The following ARIH1 variants were observed in gnomAD, a reference collection of about 807,000 sequenced individuals.
ARIH1 encodes E3 ubiquitin-protein ligase ARIH1.
A neutral mutation model predicts 85.0 loss-of-function variants in ARIH1; 8 were observed. That is an observed-to-expected ratio of 0.09 (90% CI 0.06 to 0.17). ARIH1 has a LOEUF of 0.17. ARIH1 is among the 10% of genes least tolerant of loss of function. ARIH1 has a pLI of 1.00. For missense variants in ARIH1, 311 were observed against 718.1 expected, an observed-to-expected ratio of 0.43 and a Z score of 6.48; for synonymous variants, 238 against 253.6, an observed-to-expected ratio of 0.94 and a Z score of 0.59.
chr15:72,481,634 T>G lies in ARIH1; in HGVS notation c.375+6620T>G, dbSNP rs1219115022. Among the ~76,000 whole-genome samples the G allele has an allele frequency of 2.0e-5, 3 of 151,956 alleles. No homozygotes were observed. The South Asian group carries it at 6.2e-4, about 32-fold the overall frequency. ...CTGGGAATTGGAGGTTGCAGTGAGC[T>G]GAGATAGTGTCACTGCACTCTAGCC... On this transcript the variant is annotated intron_variant, in intron 1 of 13. Coordinates refer to ENST00000379887, the MANE Select transcript of ARIH1 (RefSeq NM_005744.5).
intron 5 of ARIH1, among the ~76,000 whole-genome samples, chr15:72,557,814 G>A (rs1344860553): frequency 6.6e-6 from 1 of 152,048 alleles, no homozygotes; most frequent in Non-Finnish European, 1.5e-5. Flanking sequence ...GGCTATTATC[G>A]ATAGGATTGC....
In ARIH1 at chr15:72,598,001, C is replaced by T. The variant is rs2064369433; in HGVS notation, c.*14709C>T. The T allele has an allele frequency of 6.6e-6, 1 of 152,248 alleles. No homozygotes were observed. Among genetic ancestry groups the T allele is most frequent in the Non-Finnish European group, 1.5e-5 (1 of 68,122 alleles). The allele number at this position is 152,248 out of a possible 1,614,324, so 9.4% of individuals were successfully genotyped here. ...AGACAGGGTCTCACTCTTACCCAGCCTGGAGTACAGCCTGTAGTGATCTCA... is the reference window on the plus strand; with the variant it reads ...AGACAGGGTCTCACTCTTACCCAGCTTGGAGTACAGCCTGTAGTGATCTCA... On this transcript the variant is annotated 3_prime_UTR_variant, in exon 14 of 14. Coordinates refer to ENST00000379887, the MANE Select transcript of ARIH1 (RefSeq NM_005744.5).
chr15:72,520,870 G>T (rs897550572), intron 2 of ARIH1, among the ~76,000 whole-genome samples: 1 of 151,574 alleles, frequency 6.6e-6, no homozygotes, highest in African/African-American at 2.4e-5. Flanking sequence ...TTGAAACAGG[G>T]TCTCACTCTG....
intron 2 of ARIH1, among the ~76,000 whole-genome samples, chr15:72,524,749 T>G (rs765657553): frequency 6.6e-6 from 1 of 152,218 alleles, no homozygotes; most frequent in Non-Finnish European, 1.5e-5. Context: ...TGGTAGGACA[T>G]CATTAATTCA....
chr15:72,581,091 C>A, intron 12 of ARIH1, 100 bp downstream of exon 12: 1 of 1,263,270 alleles, frequency 7.9e-7, no homozygotes, highest in African/African-American at 1.5e-5. Flanking sequence ...CTTGTTTGTT[C>A]AGAACATGTA....
intron 2 of ARIH1, among the ~76,000 whole-genome samples, chr15:72,531,780 G>C (rs1339446497): frequency 6.6e-6 from 1 of 152,128 alleles, no homozygotes; most frequent in Non-Finnish European, 1.5e-5. Context: ...AGAATACTAT[G>C]TTCATGGAAA....
Position 72,580,712 on chromosome 15 carries a change from A to C in ARIH1, c.1216-19A>C. On this transcript the variant is annotated intron_variant, in intron 11 of 13. Coordinates refer to ENST00000379887, the MANE Select transcript of ARIH1 (RefSeq NM_005744.5). ...TTATGTGTTATAATTATATCACCCA[A>C]TTTTTCTTAATGGGACAGCGATCTA... is the stretch of plus-strand genomic sequence containing the variant. 1 of 1,594,624 alleles carries C rather than the reference A, an allele frequency of 6.3e-7. No homozygotes were observed. Among genetic ancestry groups the C allele is most frequent in the African/African-American group, 1.3e-5 (1 of 74,400 alleles).
At chr15:72,576,701 C>G (rs942487324) in intron 11 of ARIH1, among the ~76,000 whole-genome samples, 10 of 151,902 alleles carry the variant, frequency 6.6e-5, no homozygotes, top group Admixed American at 2.0e-4. Context: ...CAAAACAAAT[C>G]TAAACTAGAT....
intron 1 of ARIH1, among the ~76,000 whole-genome samples, chr15:72,508,684 GTTCT>G (rs975841366): frequency 4.0e-5 from 6 of 149,296 alleles, no homozygotes; most frequent in African/African-American, 7.4e-5. Flanking sequence ...TACTCTCATT[GTTCT>G]TTCTTTCTTT....
intron 1 of ARIH1, among the ~76,000 whole-genome samples, chr15:72,513,758 T>C (rs1437583853): frequency 1.4e-4 from 1 of 7,106 alleles, no homozygotes; most frequent in Non-Finnish European, 3.9e-4. Context: ...TCCCTCCCCC[T>C]CTCCCTCCCT....
intron 1 of ARIH1, among the ~76,000 whole-genome samples, chr15:72,506,720 CTG>C (rs1333213885): frequency 6.6e-6 from 1 of 152,120 alleles, no homozygotes; most frequent in African/African-American, 2.4e-5. Flanking sequence ...AATCTTAAAA[CTG>C]AGGTTTAAGG....
intron 11 of ARIH1, among the ~76,000 whole-genome samples, chr15:72,574,208 T>A (rs2064260273): frequency 1.3e-5 from 2 of 152,162 alleles, no homozygotes; most frequent in South Asian, 4.1e-4. Context: ...TGAGCCAGAG[T>A]CTAATGTTTA....
intron 2 of ARIH1, among the ~76,000 whole-genome samples, chr15:72,526,860 C>CTTTTTT (rs58241698): frequency 7.2e-6 from 1 of 138,146 alleles, no homozygotes; most frequent in Non-Finnish European, 1.5e-5. Context: ...CTGTCTAATG[C>CTTTTTT]TTTTTTTTTT....
chr15:72,563,572 A>G (rs2064206278), intron 7 of ARIH1, 72 bp downstream of exon 7: 2 of 1,298,898 alleles, frequency 1.5e-6, no homozygotes, highest in South Asian at 2.4e-5. Context: ...TCTTGGTAGT[A>G]AAATAGCAGA....
chr15:72,531,048 T>C (rs189293962), intron 2 of ARIH1, among the ~76,000 whole-genome samples: 130 of 152,316 alleles, frequency 8.5e-4, no homozygotes, highest in Non-Finnish European at 1.4e-3. Context: ...TGATAGCTAC[T>C]TGTTTCACTG....
chr15:72,513,612 A>G (rs933070832), intron 1 of ARIH1, among the ~76,000 whole-genome samples: 5 of 150,890 alleles, frequency 3.3e-5, no homozygotes, highest in African/African-American at 1.2e-4. Context: ...TTACCCCCAT[A>G]TCATTTCCCT....
chr15:72,543,539 CAAAGT>C, intron 2 of ARIH1, among the ~76,000 whole-genome samples: 1 of 152,080 alleles, frequency 6.6e-6, no homozygotes, highest in African/African-American at 2.4e-5. Context: ...ATGCTGTAGT[CAAAGT>C]ATTTATAAAA....
intron 11 of ARIH1, among the ~76,000 whole-genome samples, chr15:72,574,951 T>C (rs1595874028): frequency 1.5e-5 from 2 of 133,544 alleles, no homozygotes; most frequent in South Asian, 4.8e-4. Context: ...GTTTTTAAAT[T>C]AGCCATGCAT....
At chr15:72,496,577 G>C (rs567015484) in intron 1 of ARIH1, among the ~76,000 whole-genome samples, 1 of 152,164 alleles carries the variant, frequency 6.6e-6, no homozygotes, top group Non-Finnish European at 1.5e-5. Context: ...GATTTATTTT[G>C]CCTGTTGTGA....
Sources: allele counts gnomAD v4.1 joint callset (sites outside exome capture counted in the v4.1 genomes callset), GRCh38; gene constraint gnomAD v4.1.1; transcripts MANE v1.5; gene names NCBI Gene and HGNC (gene_info 2026-07-23, HGNC 2026-07-21).